The following NTRK2 variants were observed in gnomAD, a reference collection of about 807,000 sequenced individuals.
NTRK2 encodes BDNF/NT-3 growth factors receptor.
In NTRK2, 13 loss-of-function variants were observed where a neutral mutation model predicts 94.5. That is an observed-to-expected ratio of 0.14 (90% CI 0.09 to 0.22). NTRK2 has a LOEUF of 0.22. Ranked by LOEUF, NTRK2 falls within the 10% of genes least tolerant of loss-of-function variation. NTRK2 has a pLI of 1.00. For synonymous variants in NTRK2, 372 were observed against 407.4 expected, an observed-to-expected ratio of 0.91 and a Z score of 1.05; for missense variants, 639 against 1,071.2, an observed-to-expected ratio of 0.60 and a Z score of 5.63.
chr9:84,994,992 T>C (rs917555558), intron 17 of NTRK2, among the ~76,000 whole-genome samples: 4 of 152,212 alleles, frequency 2.6e-5, no homozygotes, highest in Non-Finnish European at 5.9e-5. Flanking sequence ...ATTTTTTTCC[T>C]AAGAAGAGGG....
At position 84,702,195 on chromosome 9, in the gene NTRK2, C is replaced by T. The variant is rs143970219; in HGVS notation, c.249C>T (p.Asn83=). ...IANQKRLEII[N]EDDVEAYVGL... ...ACCAGAAAAGGTTAGAAATCATCAA[C>T]GAAGATGATGTTGAAGCTTATGTGG... The change falls in exon 3 of 19, where the codon AAC becomes AAT. Residue 83 remains asparagine (N), a synonymous_variant. Coordinates refer to ENST00000277120, the MANE Select transcript of NTRK2 (RefSeq NM_006180.6). 2.0e-4 allele frequency: 319 copies of T among 1,614,120 alleles called. 3 individuals are homozygous for T. The East Asian group carries it at 6.4e-3, about 32-fold the overall frequency.
chr9:84,714,315 G>C (rs1370797406), intron 6 of NTRK2, among the ~76,000 whole-genome samples: 6 of 152,148 alleles, frequency 3.9e-5, no homozygotes. Context: ...TCCTTTGAAA[G>C]CCTCACTATT....
chr9:84,948,750 G>C, intron 16 of NTRK2, 116 bp downstream of exon 16: 3 of 826,450 alleles, frequency 3.6e-6, no homozygotes, highest in Non-Finnish European at 5.8e-6. Context: ...CATCTTATTT[G>C]ATAATGACAC....
intron 14 of NTRK2, among the ~76,000 whole-genome samples, chr9:84,931,491 A>G (rs1010432703): frequency 6.6e-6 from 1 of 152,110 alleles, no homozygotes; most frequent in Non-Finnish European, 1.5e-5. Context: ...TGCTCAGATT[A>G]TCGGTGCCCC....
intron 14 of NTRK2, among the ~76,000 whole-genome samples, chr9:84,886,087 T>C (rs1261035785): frequency 6.6e-6 from 1 of 152,116 alleles, no homozygotes; most frequent in Non-Finnish European, 1.5e-5. Flanking sequence ...CACCTGTAGA[T>C]GGGAAATGGG....
At chr9:84,806,780 A>C (rs1209486795) in intron 12 of NTRK2, among the ~76,000 whole-genome samples, 3 of 152,266 alleles carry the variant, frequency 2.0e-5, no homozygotes, top group Non-Finnish European at 4.4e-5. Flanking sequence ...AACAAAGCAC[A>C]ACTGTACCTT....
intron 14 of NTRK2, among the ~76,000 whole-genome samples, chr9:84,928,676 T>C (rs1005116859): frequency 6.6e-6 from 1 of 152,178 alleles, no homozygotes; most frequent in Admixed American, 6.5e-5. Flanking sequence ...CTCACTGATC[T>C]GTCAAACCCG....
At chr9:84,934,049 C>T in intron 14 of NTRK2, 113 bp from the exon 15 acceptor site, 1 of 1,178,582 alleles carries the variant, frequency 8.5e-7, no homozygotes, top group South Asian at 1.3e-5. Flanking sequence ...TCACTGTGCA[C>T]AGAGGAGAGA....
At chr9:84,806,599 A>T (rs972753440) in intron 12 of NTRK2, among the ~76,000 whole-genome samples, 1 of 152,180 alleles carries the variant, frequency 6.6e-6, no homozygotes, top group African/African-American at 2.4e-5. Context: ...CAGCTCTCTC[A>T]TTCATTCTTG....
At chr9:84,985,328 G>C (rs1271604343) in intron 17 of NTRK2, among the ~76,000 whole-genome samples, 1 of 152,132 alleles carries the variant, frequency 6.6e-6, no homozygotes, top group Admixed American at 6.6e-5. Context: ...AACATTTATT[G>C]AGCCTTACTA....
At chr9:84,926,144 TCC>T (rs1212826179) in intron 14 of NTRK2, among the ~76,000 whole-genome samples, 20 of 81,538 alleles carry the variant, frequency 2.5e-4, no homozygotes, top group Middle Eastern at 5.5e-3. Flanking sequence ...CTTCCTTCCT[TCC>T]TTCCTTCCTT....
intron 15 of NTRK2, among the ~76,000 whole-genome samples, chr9:84,937,643 T>C (rs1433212682): frequency 2.0e-5 from 3 of 152,160 alleles, no homozygotes; most frequent in Admixed American, 2.0e-4. Flanking sequence ...GAAATTGATC[T>C]ATCAACCATT....
chr9:84,716,607 G>T (rs1389816979), intron 6 of NTRK2, among the ~76,000 whole-genome samples: 3 of 152,128 alleles, frequency 2.0e-5, no homozygotes, highest in Non-Finnish European at 4.4e-5. Flanking sequence ...AGTTGGATTG[G>T]CTTTCTTTCC....
chr9:84,953,171 T>C (rs1588032144), intron 16 of NTRK2, among the ~76,000 whole-genome samples: 2 of 152,322 alleles, frequency 1.3e-5, no homozygotes, highest in Non-Finnish European at 2.9e-5. Context: ...TCACCTTTAG[T>C]GAAGTGGAAA....
At position 85,021,101 on chromosome 9, in the gene NTRK2, T is replaced by G. The variant is rs1322640651; in HGVS notation, c.2332-151T>G. On this transcript the variant is annotated intron_variant, in intron 18 of 18. Transcript: ENST00000277120. ...AAAATAAACACGATATAAACTAACC[T>G]ATAATAATTGCTCTCTTCCTTCTGA... 4.2e-6 allele frequency: 3 copies of G among 707,672 alleles called. No individual in the cohort carries two copies. The African/African-American group carries it at 5.3e-5, about 12-fold the overall frequency. 43.8% of individuals were successfully genotyped at this position (707,672 alleles called of 1,614,324 possible).
At chr9:84,928,382 A>G (rs886065974) in intron 14 of NTRK2, among the ~76,000 whole-genome samples, 4 of 152,192 alleles carry the variant, frequency 2.6e-5, no homozygotes, top group African/African-American at 4.8e-5. Flanking sequence ...CATATTTTAT[A>G]TTTATCAGTA....
At chr9:84,674,423 G>A (rs1170314349) in intron 2 of NTRK2, among the ~76,000 whole-genome samples, 1 of 152,068 alleles carries the variant, frequency 6.6e-6, no homozygotes, top group African/African-American at 2.4e-5. Flanking sequence ...TTAATACATT[G>A]ATTTTGGCCC....
chr9:84,991,569 T>C (rs1168198242), intron 17 of NTRK2, among the ~76,000 whole-genome samples: 2 of 152,304 alleles, frequency 1.3e-5, no homozygotes, highest in East Asian at 1.9e-4. Flanking sequence ...CTTTGAGCCC[T>C]TCTTCTTTGG....
At chr9:84,810,915 G>A in intron 12 of NTRK2, 1 of 1,191,286 alleles carries the variant, frequency 8.4e-7, no homozygotes, top group Non-Finnish European at 1.0e-6. Context: ...TGAAAAGTGT[G>A]CTTTTTGACC....
Sources: allele counts gnomAD v4.1 joint callset (sites outside exome capture counted in the v4.1 genomes callset), GRCh38; gene constraint gnomAD v4.1.1; transcripts MANE v1.5; gene names NCBI Gene and HGNC (gene_info 2026-07-23, HGNC 2026-07-21).